ACAD10: variants seen among roughly 807,000 people sequenced by gnomAD.
ACAD10 encodes the protein acyl-CoA dehydrogenase family member 10.
Under a neutral mutation model 116.8 loss-of-function variants are expected in ACAD10, and 112 were observed. The observed-to-expected ratio is 0.96, with a 90% CI of 0.82 to 1.12. ACAD10 has a LOEUF of 1.12. ACAD10 is among the 50% of genes most tolerant of loss of function. The pLI, the probability that ACAD10 is intolerant of heterozygous loss-of-function variation, is 0.00. For missense variants in ACAD10, 1,259 were observed against 1,350.2 expected, an observed-to-expected ratio of 0.93 and a Z score of 1.06; for synonymous variants, 486 against 510.6, an observed-to-expected ratio of 0.95 and a Z score of 0.65.
At chr12:111,740,338 A>G (rs1360005656) in intron 12 of ACAD10, among the ~76,000 whole-genome samples, 5 of 151,280 alleles carry the variant, frequency 3.3e-5, no homozygotes, top group African/African-American at 1.2e-4. Flanking sequence ...GATGCCGCCT[A>G]TAATCCCAGC....
rs775379746 is a variant in ACAD10 at position 111,693,156 on chromosome 12, C to T, written c.187+260C>T. On this transcript the variant is annotated intron_variant, in intron 2 of 20. Coordinates refer to ENST00000313698, the MANE Select transcript of ACAD10 (RefSeq NM_025247.6). ...CCTTGGGATTTGGCGGAGAGTTATC[C>T]GTGGGAAGCACTTGCTTAGCACAGT... 5.7e-5 allele frequency: 27 copies of T among 474,614 alleles called. No individual in the cohort carries two copies. The Admixed American group carries it at 6.5e-4, about 11-fold the overall frequency. The allele number at this position is 474,614 out of a possible 1,614,324, so 29.4% of individuals were successfully genotyped here.
At chr12:111,730,070 C>T (rs952442378) in intron 10 of ACAD10, 114 bp downstream of exon 10, 2 of 1,412,594 alleles carry the variant, frequency 1.4e-6, no homozygotes, top group Non-Finnish European at 1.9e-6. Context: ...TTACAAAGCA[C>T]CTGTCTGTGT....
Position 111,745,058 on chromosome 12 carries a change from G to A in ACAD10, c.2115+15G>A, listed in dbSNP as rs750673568. 6.2e-7 allele frequency: 1 copy of A among 1,606,730 alleles called. No individual in the cohort carries two copies. Among genetic ancestry groups the A allele is most frequent in the Admixed American group, 1.7e-5 (1 of 59,784 alleles). On this transcript the variant is annotated intron_variant, in intron 13 of 20. Coordinates refer to ENST00000313698, the MANE Select transcript of ACAD10 (RefSeq NM_025247.6). The stretch of plus-strand genomic sequence containing the variant: ...AAGACCTCAAGGTAAAGCAGCCATG[G>A]TGAGGTGGTAAGACCCCAATACCAT...
chr12:111,737,244 T>C (rs1261062247), intron 12 of ACAD10, among the ~76,000 whole-genome samples: 5 of 152,164 alleles, frequency 3.3e-5, no homozygotes, highest in Admixed American at 3.3e-4. Context: ...GTCCAGTGGT[T>C]TGATCCTGGC....
chr12:111,742,430 C>A (rs562974291), intron 12 of ACAD10, among the ~76,000 whole-genome samples: 1 of 152,182 alleles, frequency 6.6e-6, no homozygotes, highest in East Asian at 1.9e-4. Flanking sequence ...TACCTAGCAC[C>A]CAGAAGGTCC....
In ACAD10 at chr12:111,692,694, C is replaced by T. The variant is rs1217700607; in HGVS notation, c.-13-3C>T. On this transcript the variant is annotated splice_polypyrimidine_tract_variant and splice_region_variant and intron_variant, in intron 1 of 20. Coordinates refer to ENST00000313698, the MANE Select transcript of ACAD10 (RefSeq NM_025247.6). ...TAACGCCCTGTGCCTTCTTCCCACACAGCCTCAGCCTCACCATGTGTGTCA... is the reference window on the plus strand; with the variant it reads ...TAACGCCCTGTGCCTTCTTCCCACATAGCCTCAGCCTCACCATGTGTGTCA... 4 of 1,609,406 alleles carry T rather than the reference C, an allele frequency of 2.5e-6. No individual in the cohort carries two copies. Among genetic ancestry groups the T allele is most frequent in the Non-Finnish European group, 3.4e-6 (4 of 1,177,966 alleles).
In ACAD10 at chr12:111,715,050, A is replaced by G. The variant is rs538018451; in HGVS notation, c.851-771A>G. Among the ~76,000 whole-genome samples, 3 of 152,172 alleles carry G rather than the reference A, an allele frequency of 2.0e-5. No homozygotes were observed. The South Asian group carries it at 6.2e-4, about 32-fold the overall frequency. On this transcript the variant is annotated intron_variant, in intron 6 of 20. Transcript: ENST00000313698. Reference sequence around the variant, plus strand: ...TTCCCAGGTAATAAAGGCTTCACCCACTTGCTCCGTGAAAAAGGCTTTTAT... The same window carrying G: ...TTCCCAGGTAATAAAGGCTTCACCCGCTTGCTCCGTGAAAAAGGCTTTTAT...
In ACAD10 at chr12:111,692,889, C is replaced by G. The variant is rs746386476; in HGVS notation, c.180C>G (p.Val60=). 10 of 1,613,766 alleles carry G rather than the reference C, an allele frequency of 6.2e-6. No homozygotes were observed. In the South Asian group the frequency reaches 9.9e-5, roughly 16 times the overall value. Residue 60 remains valine, a synonymous_variant, in exon 2 of 21, where the codon GTC becomes GTG. Coordinates refer to ENST00000313698, the MANE Select transcript of ACAD10 (RefSeq NM_025247.6). The stretch of plus-strand genomic sequence containing the variant: ...TTCTCATTCCTTCTCCAGGGAGAGT[C>G]GCTGCAGGTGAGCTATTGATTCTGT... ...GGVLIPSPGR[V]AAEWEVQNRI... is the part of the protein sequence containing the mutation.
At chr12:111,724,772 AGGGAGACCGTGGAAAGAGAGGGAG>A (rs1566155737) in intron 8 of ACAD10, among the ~76,000 whole-genome samples, 51 of 150,984 alleles carry the variant, frequency 3.4e-4, no homozygotes, top group Middle Eastern at 3.4e-3. Flanking sequence ...TCGGCATGAG[AGGGAGACCGTGGAAAGAGAGGGAG>A]GGGAGACCGT....
At chr12:111,687,314 T>C (rs1887897228) in intron 1 of ACAD10, among the ~76,000 whole-genome samples, 1 of 152,202 alleles carries the variant, frequency 6.6e-6, no homozygotes, top group Non-Finnish European at 1.5e-5. Flanking sequence ...TCAGGGTTTC[T>C]CAACTCTGCA....
chr12:111,753,532 A>G (rs1465664448), intron 18 of ACAD10: 2 of 699,672 alleles, frequency 2.9e-6, no homozygotes, highest in Non-Finnish European at 5.2e-6. Context: ...TGTTACAGGC[A>G]CCCTGTGGGC....
rs145136900 is a variant in ACAD10 at position 111,755,727 on chromosome 12, G to A, written c.3021G>A (p.Val1007=). 1.9e-4 allele frequency: 299 copies of A among 1,613,844 alleles called. No homozygotes were observed. The highest frequency in any genetic ancestry group is 2.3e-4 in the Non-Finnish European group (269 of 1,179,950). The change falls in exon 20 of 21, where the codon GTG becomes GTA. Residue 1007 remains valine (V), a synonymous_variant. Transcript: ENST00000313698. ...TCGCCCCGTCCATGGCCTCCCGAGT[G>A]ATTGATCGTGCGATTCAGGTGAGCA... is the stretch of plus-strand genomic sequence containing the variant. The part of the protein sequence containing the change: ...KMVAPSMASR[V]IDRAIQAFGA...
At chr12:111,690,808 G>A (rs956841566) in intron 1 of ACAD10, among the ~76,000 whole-genome samples, 1 of 148,078 alleles carries the variant, frequency 6.8e-6, no homozygotes, top group Non-Finnish European at 1.5e-5. Context: ...AAGAGTTTCT[G>A]ATTTTGGAGC....
Position 111,748,329 on chromosome 12 carries a change from C to T in ACAD10, c.2498C>T (p.Pro833Leu), listed in dbSNP as rs749137320. 6.2e-7 allele frequency: 1 copy of T among 1,614,130 alleles called. No individual in the cohort carries two copies. The highest frequency in any genetic ancestry group is 1.1e-5 in the South Asian group (1 of 91,074). ...HKWWITGILD[P>L]RCQLCVFMGK... ...CCTTTCCTGGCAGGCATCCTGGATC[C>T]TCGTTGCCAACTCTGTGTGTTTATG... The change falls in exon 17 of 21, where the codon CCT becomes CTT. Residue 833 changes from proline (P) to leucine (L), a missense_variant. Physicochemically the swap from Pro to Leu is moderately conservative, Grantham distance 98 (BLOSUM62 -3). Coordinates refer to ENST00000313698, the MANE Select transcript of ACAD10 (RefSeq NM_025247.6).
At chr12:111,727,484 A>G (rs1889249520) in intron 8 of ACAD10, among the ~76,000 whole-genome samples, 1 of 152,220 alleles carries the variant, frequency 6.6e-6, no homozygotes, top group Non-Finnish European at 1.5e-5. Context: ...AGATCGCGCC[A>G]CTGCACTCCA....
chr12:111,731,048 C>G (rs1889372797), intron 10 of ACAD10, among the ~76,000 whole-genome samples: 1 of 152,250 alleles, frequency 6.6e-6, no homozygotes, highest in African/African-American at 2.4e-5. Context: ...ACTTTGGCCT[C>G]CCAGAGTGCT....
intron 8 of ACAD10, among the ~76,000 whole-genome samples, chr12:111,722,260 C>T (rs919744004): frequency 4.6e-5 from 7 of 152,158 alleles, no homozygotes; most frequent in Non-Finnish European, 1.0e-4. Flanking sequence ...GACAGGGTTT[C>T]GCCATGTTGG....
At chr12:111,723,357 T>G (rs1197298042) in intron 8 of ACAD10, among the ~76,000 whole-genome samples, 31 of 82,692 alleles carry the variant, frequency 3.7e-4, no homozygotes, top group East Asian at 1.7e-3. Context: ...GGGGCGGCTG[T>G]CCAGGCGGGG....
At chr12:111,691,224 T>C (rs1888031795) in intron 1 of ACAD10, 1 of 152,326 alleles carries the variant, frequency 6.6e-6, no homozygotes, top group African/African-American at 2.4e-5. Flanking sequence ...GTCTTTTTTT[T>C]TCCTGAACCT....
Sources: allele counts gnomAD v4.1 joint callset (sites outside exome capture counted in the v4.1 genomes callset), GRCh38; gene constraint gnomAD v4.1.1; transcripts MANE v1.5; gene names NCBI Gene and HGNC (gene_info 2026-07-23, HGNC 2026-07-21).